PCDH11X: variants seen among roughly 807,000 people sequenced by gnomAD.
PCDH11X encodes protocadherin-11 X-linked.
PCDH11X carries 18 observed loss-of-function variants against 53.3 expected under a neutral mutation model. The observed-to-expected ratio is 0.34, with a 90% CI of 0.23 to 0.50. PCDH11X has a LOEUF of 0.50. Ranked by LOEUF, PCDH11X falls within the 20% of genes least tolerant of loss-of-function variation. The probability of loss-of-function intolerance (pLI) is 0.98; values close to 1 mark genes in which losing one functional copy is unlikely to be tolerated. For missense variants in PCDH11X, 570 were observed against 1,032.4 expected (o/e 0.55, Z 6.14); for synonymous variants, 279 against 393.3 (o/e 0.71, Z 3.44).
chrX:92,582,335 G>A (rs1405463514), intron 10 of PCDH11X, among the ~76,000 whole-genome samples: 1 of 108,957 alleles, frequency 9.2e-6, no homozygotes, highest in East Asian at 2.9e-4. Context: ...GCACAGGCTA[G>A]GGACTTGGTT....
chrX:92,124,112 A>G (rs2064819886), intron 6 of PCDH11X, among the ~76,000 whole-genome samples: 1 of 111,785 alleles, frequency 8.9e-6, no homozygotes, highest in South Asian at 3.7e-4. Context: ...TAACGCTACT[A>G]TCTATTAAGT....
chrX:91,858,724 G>A (rs943705843), intron 5 of PCDH11X, among the ~76,000 whole-genome samples: 2 of 107,624 alleles, frequency 1.9e-5, no homozygotes, highest in African/African-American at 6.8e-5. Context: ...AACATAGCAA[G>A]AGTCACCTTT....
chrX:91,914,394 C>A (rs1389567965), intron 6 of PCDH11X, among the ~76,000 whole-genome samples: 5 of 111,134 alleles, frequency 4.5e-5, no homozygotes, highest in Non-Finnish European at 9.4e-5. Flanking sequence ...GGATCCAAAC[C>A]AAGAAGAAAT....
chrX:92,225,453 G>A (rs1340893056), intron 7 of PCDH11X, among the ~76,000 whole-genome samples: 1 of 111,212 alleles, frequency 9.0e-6, no homozygotes, highest in African/African-American at 3.3e-5. Context: ...ACTTCTAGTT[G>A]CTCATAGTTT....
intron 10 of PCDH11X, among the ~76,000 whole-genome samples, chrX:92,511,846 G>A (rs2074166686): frequency 2.7e-5 from 3 of 110,833 alleles, no homozygotes; most frequent in Non-Finnish European, 5.7e-5. Context: ...AGCTATCAAG[G>A]AACTTCCGCA....
chrX:92,439,722 C>T (rs1204807082), intron 9 of PCDH11X, among the ~76,000 whole-genome samples: 2 of 107,652 alleles, frequency 1.9e-5, no homozygotes, highest in Non-Finnish European at 3.8e-5. Flanking sequence ...TCTCTCCCCT[C>T]CTCCTCCATT....
At chrX:92,416,910 A>C (rs1185817551) in intron 9 of PCDH11X, among the ~76,000 whole-genome samples, 3 of 111,882 alleles carry the variant, frequency 2.7e-5, no homozygotes, top group Admixed American at 1.9e-4. Context: ...TTCAGGATCC[A>C]AGCCACTTTG....
rs866991942 is a variant in PCDH11X, at chrX:91,896,189, A to G, written c.3033+16916A>G. 2.7e-5 allele frequency among the ~76,000 whole-genome samples: 3 copies of G among 109,675 alleles called. No individual in the cohort carries two copies. The Admixed American group carries it at 3.0e-4, about 11-fold the overall frequency. Reference sequence around the variant, plus strand: ...ACCCAGGCTGGAGTGCAGTGGTGCAATCTCGGCTCACTGCAGTGTAAACCT... The same window carrying G: ...ACCCAGGCTGGAGTGCAGTGGTGCAGTCTCGGCTCACTGCAGTGTAAACCT... On this transcript the variant is annotated intron_variant, in intron 6 of 10. Coordinates refer to ENST00000682573, the MANE Select transcript of PCDH11X (RefSeq NM_032968.5).
At chrX:91,832,628 G>T (rs1937153218) in intron 4 of PCDH11X, among the ~76,000 whole-genome samples, 1 of 107,478 alleles carries the variant, frequency 9.3e-6, no homozygotes. Flanking sequence ...ATGTACCCTA[G>T]AACTTAAAGT....
intron 6 of PCDH11X, among the ~76,000 whole-genome samples, chrX:92,087,229 G>T (rs1350333559): frequency 9.1e-6 from 1 of 109,323 alleles, no homozygotes; most frequent in East Asian, 2.9e-4. Context: ...TGAGTAGCTG[G>T]GATTACAGGC....
chrX:92,149,077 C>T (rs2065382703), intron 6 of PCDH11X, among the ~76,000 whole-genome samples: 1 of 111,278 alleles, frequency 9.0e-6, no homozygotes, highest in African/African-American at 3.3e-5. Flanking sequence ...TTGCTATCCT[C>T]ATCTATCAGA....
chrX:92,205,449 G>A (rs1038287515), intron 7 of PCDH11X, among the ~76,000 whole-genome samples: 13 of 111,014 alleles, frequency 1.2e-4, no homozygotes, highest in African/African-American at 4.3e-4. Flanking sequence ...TTGAAGAAAA[G>A]CACACAATTT....
intron 6 of PCDH11X, among the ~76,000 whole-genome samples, chrX:92,130,914 G>C (rs1300060064): frequency 2.8e-5 from 3 of 108,674 alleles, no homozygotes; most frequent in African/African-American, 1.0e-4. Context: ...CTCATTTTTT[G>C]CACAGATACC....
intron 5 of PCDH11X, among the ~76,000 whole-genome samples, chrX:91,865,260 A>G (rs1466336523): frequency 9.4e-6 from 1 of 105,877 alleles, no homozygotes. Context: ...GGTTCTTGCA[A>G]ACTCACAGAG....
chrX:91,948,230 T>A (rs1450715774), intron 6 of PCDH11X, among the ~76,000 whole-genome samples: 2 of 109,655 alleles, frequency 1.8e-5, no homozygotes, highest in Non-Finnish European at 1.9e-5. Context: ...ACATTTTCCC[T>A]TTAAAAAAAG....
intron 10 of PCDH11X, among the ~76,000 whole-genome samples, chrX:92,567,863 G>C (rs1238337376): frequency 9.5e-6 from 1 of 105,790 alleles, no homozygotes; most frequent in African/African-American, 3.5e-5. Context: ...GGTGGTGGGA[G>C]GGAGAGCATC....
At chrX:92,592,694 G>A (rs1925160625) in intron 10 of PCDH11X, among the ~76,000 whole-genome samples, 1 of 112,054 alleles carries the variant, frequency 8.9e-6, no homozygotes, top group Non-Finnish European at 1.9e-5. Context: ...TCGCATCACT[G>A]CACTCCAGCC....
chrX:91,845,626 T>A (rs190371990), intron 5 of PCDH11X, among the ~76,000 whole-genome samples: 59 of 111,728 alleles, frequency 5.3e-4, no homozygotes, highest in African/African-American at 1.8e-3. Flanking sequence ...AATTGGAAAG[T>A]CATTGGCTGG....
intron 7 of PCDH11X, among the ~76,000 whole-genome samples, chrX:92,259,784 C>G (rs2067675689): frequency 9.0e-6 from 1 of 111,483 alleles, no homozygotes; most frequent in African/African-American, 3.3e-5. Flanking sequence ...TTATTCAGGG[C>G]CCAAGGGCTC....
Sources: allele counts gnomAD v4.1 joint callset (sites outside exome capture counted in the v4.1 genomes callset), GRCh38; gene constraint gnomAD v4.1.1; transcripts MANE v1.5; gene names NCBI Gene and HGNC (gene_info 2026-07-23, HGNC 2026-07-21).